GALNTL6: variants seen among roughly 807,000 people sequenced by gnomAD.
GALNTL6 encodes the protein polypeptide N-acetylgalactosaminyltransferase-like 6.
GALNTL6 carries 46 observed loss-of-function variants against 73.7 expected under a neutral mutation model. That is an observed-to-expected ratio of 0.62 (90% CI 0.49 to 0.80). GALNTL6 has a LOEUF of 0.80. GALNTL6 is among the 30% of genes least tolerant of loss of function. GALNTL6 has a pLI of 0.00. For synonymous variants in GALNTL6, 259 were observed against 263.7 expected (o/e 0.98, Z 0.17); for missense variants, 604 against 755.0 (o/e 0.80, Z 2.34).
chr4:173,009,338 G>A (rs1471532751), intron 11 of GALNTL6, 44 bp downstream of exon 11: 4 of 1,104,382 alleles, frequency 3.6e-6, no homozygotes, highest in Admixed American at 1.7e-5. Flanking sequence ...ACCAGTCGGG[G>A]GCTGATGCAG....
At chr4:172,445,071 C>A (rs903406449) in intron 5 of GALNTL6, among the ~76,000 whole-genome samples, 1 of 152,034 alleles carries the variant, frequency 6.6e-6, no homozygotes, top group African/African-American at 2.4e-5. Flanking sequence ...AAGAGGCAAG[C>A]CAAAAAAGCC....
At chr4:172,751,375 T>C in intron 5 of GALNTL6, among the ~76,000 whole-genome samples, 1 of 152,226 alleles carries the variant, frequency 6.6e-6, no homozygotes, top group East Asian at 1.9e-4. Context: ...AACCATGGCC[T>C]TAAGAAGTGC....
At chr4:172,364,814 T>G (rs1335805246) in intron 5 of GALNTL6, among the ~76,000 whole-genome samples, 1 of 152,134 alleles carries the variant, frequency 6.6e-6, no homozygotes, top group Non-Finnish European at 1.5e-5. Context: ...AAGACAGATT[T>G]GCTAGGTAGA....
chr4:172,906,291 T>C (rs1035972063), intron 8 of GALNTL6, among the ~76,000 whole-genome samples: 1 of 151,734 alleles, frequency 6.6e-6, no homozygotes, highest in African/African-American at 2.4e-5. Context: ...AATTAAAATT[T>C]CAGGAAAATT....
At chr4:172,044,296 G>C (rs1742160546) in intron 2 of GALNTL6, among the ~76,000 whole-genome samples, 1 of 151,678 alleles carries the variant, frequency 6.6e-6, no homozygotes, top group South Asian at 2.1e-4. Context: ...ATAATATTAG[G>C]TTGGTGCAAA....
At chr4:171,873,665 C>A (rs187526163) in intron 2 of GALNTL6, among the ~76,000 whole-genome samples, 9 of 152,252 alleles carry the variant, frequency 5.9e-5, no homozygotes, top group African/African-American at 2.2e-4. Flanking sequence ...TACTTCTACT[C>A]TCTTTATAAG....
rs1255160408 is a variant in GALNTL6, at chr4:172,171,603, G to A, written c.139-58053G>A. Among the ~76,000 whole-genome samples the A allele has an allele frequency of 2.0e-5, 3 of 151,870 alleles. No individual in the cohort carries two copies. In the East Asian group the frequency reaches 5.8e-4, roughly 30 times the overall value. On this transcript the variant is annotated intron_variant, in intron 2 of 12. Coordinates refer to ENST00000506823, the MANE Select transcript of GALNTL6 (RefSeq NM_001034845.3). ...CAGCACTTTGGGAGGCTGAGGCAGG[G>A]GGATCGGTTGAGCTCAGGAGTTCGA... is the stretch of plus-strand genomic sequence containing the variant.
chr4:172,204,653 C>G (rs991776132), intron 2 of GALNTL6, among the ~76,000 whole-genome samples: 1 of 152,024 alleles, frequency 6.6e-6, no homozygotes, highest in African/African-American at 2.4e-5. Context: ...TCACCTTAGA[C>G]CAGGGGTTCT....
intron 10 of GALNTL6, among the ~76,000 whole-genome samples, chr4:172,974,311 A>G (rs1436692450): frequency 1.3e-5 from 2 of 151,658 alleles, no homozygotes; most frequent in African/African-American, 4.9e-5. Context: ...CTTTCTGTCT[A>G]CCTCTCTTCC....
chr4:172,143,698 G>T (rs1196667545), intron 2 of GALNTL6, among the ~76,000 whole-genome samples: 2 of 152,010 alleles, frequency 1.3e-5, no homozygotes, highest in Non-Finnish European at 2.9e-5. Flanking sequence ...CCCCATTCAT[G>T]AAGTCTTATC....
chr4:172,127,264 T>A (rs1733324375), intron 2 of GALNTL6, among the ~76,000 whole-genome samples: 1 of 152,236 alleles, frequency 6.6e-6, no homozygotes, highest in South Asian at 2.1e-4. Flanking sequence ...TACCCCTCAG[T>A]ACGCGGCCAC....
intron 2 of GALNTL6, among the ~76,000 whole-genome samples, chr4:172,081,781 G>C (rs1321373792): frequency 6.6e-6 from 1 of 152,170 alleles, no homozygotes. Flanking sequence ...CAGGAACCCT[G>C]GCAGGAGATA....
chr4:172,240,741 A>T (rs547904910), intron 3 of GALNTL6, among the ~76,000 whole-genome samples: 1 of 152,076 alleles, frequency 6.6e-6, no homozygotes, highest in African/African-American at 2.4e-5. Context: ...TCAGTTCTTG[A>T]TCCATTTTAT....
chr4:172,140,673 T>C (rs1419935576), intron 2 of GALNTL6, among the ~76,000 whole-genome samples: 2 of 152,050 alleles, frequency 1.3e-5, no homozygotes, highest in African/African-American at 4.8e-5. Context: ...TTAGTCTCAC[T>C]AACTCTAAAT....
In GALNTL6 at chr4:173,009,268, T is replaced by C; in HGVS notation, c.1462T>C (p.Ser488Pro). The C allele has an allele frequency of 1.2e-6, 2 of 1,613,476 alleles. No individual in the cohort carries two copies. Among genetic ancestry groups the C allele is most frequent in the Non-Finnish European group, 1.7e-6 (2 of 1,179,398 alleles). ...LRLDICVKDG[S>P]ERTWSHEQLF... ...GCTGGACATCTGTGTCAAGGATGGT[T>C]CTGAAAGAACATGGTCTCATGAACA... Residue 488 changes from serine to proline, a missense_variant, in exon 11 of 13, where the codon TCT becomes CCT. Around this residue, in one of 5 missense-constraint regions of GALNTL6, gnomAD observed 261 missense variants for 296.5 expected, o/e 0.88. Coordinates refer to ENST00000506823, the MANE Select transcript of GALNTL6 (RefSeq NM_001034845.3).
At chr4:172,584,396 T>C (rs1326820234) in intron 5 of GALNTL6, among the ~76,000 whole-genome samples, 1 of 151,902 alleles carries the variant, frequency 6.6e-6, no homozygotes, top group Non-Finnish European at 1.5e-5. Flanking sequence ...AAACAAAAAA[T>C]AGAGATATAG....
intron 2 of GALNTL6, among the ~76,000 whole-genome samples, chr4:172,060,691 A>G (rs188778354): frequency 6.6e-6 from 1 of 152,306 alleles, no homozygotes; most frequent in East Asian, 1.9e-4. Context: ...TTTTCTATGT[A>G]TATCAGGCCC....
intron 2 of GALNTL6, among the ~76,000 whole-genome samples, chr4:172,038,666 A>C (rs952390): frequency 0.031 from 4,766 of 152,276 alleles, 167 homozygotes; most frequent in East Asian, 0.095. Context: ...GTGGTTGGTC[A>C]CCGGTCATTT....
chr4:172,131,568 T>C (rs746630239), intron 2 of GALNTL6, among the ~76,000 whole-genome samples: 1 of 151,268 alleles, frequency 6.6e-6, no homozygotes, highest in Non-Finnish European at 1.5e-5. Context: ...TTATTCATGT[T>C]GGAATTCATG....
Sources: allele counts gnomAD v4.1 joint callset (sites outside exome capture counted in the v4.1 genomes callset), GRCh38; gene constraint gnomAD v4.1.1; regional missense constraint gnomAD v4.1.1; transcripts MANE v1.5; gene names NCBI Gene and HGNC (gene_info 2026-07-23, HGNC 2026-07-21).